SCOC: variants seen among roughly 807,000 people sequenced by gnomAD.
SCOC encodes short coiled-coil protein.
In SCOC, 7 loss-of-function variants were observed where a neutral mutation model predicts 9.9. That is an observed-to-expected ratio of 0.71 (90% CI 0.40 to 1.33). SCOC has a LOEUF of 1.33. SCOC is among the 40% of genes most tolerant of loss of function. The pLI is 0.01. For synonymous variants in SCOC, 19 were observed against 28.2 expected, an observed-to-expected ratio of 0.67 and a Z score of 1.03; for missense variants, 66 against 89.7, an observed-to-expected ratio of 0.74 and a Z score of 1.07.
intron 1 of SCOC, among the ~76,000 whole-genome samples, chr4:140,313,028 T>C (rs1732199498): frequency 6.6e-6 from 1 of 152,180 alleles, no homozygotes; most frequent in African/African-American, 2.4e-5. Flanking sequence ...ACATCATAAA[T>C]GATGGTCATT....
chr4:140,305,799 T>G (rs903471471), intron 1 of SCOC, among the ~76,000 whole-genome samples: 3 of 152,154 alleles, frequency 2.0e-5, no homozygotes, highest in Admixed American at 6.5e-5. Flanking sequence ...TTCCATGATG[T>G]AAAGCCAGAG....
intron 1 of SCOC, among the ~76,000 whole-genome samples, chr4:140,264,261 C>G (rs896816714): frequency 6.6e-6 from 1 of 152,268 alleles, no homozygotes; most frequent in Non-Finnish European, 1.5e-5. Flanking sequence ...TCTCAGCCTC[C>G]TGAGTTGCTG....
intron 1 of SCOC, chr4:140,293,359 CT>C: frequency 2.2e-6 from 1 of 456,864 alleles, no homozygotes; most frequent in Non-Finnish European, 4.4e-6. Context: ...CCTGGTGTGT[CT>C]TGTGTCTTCT....
At chr4:140,328,146 A>G (rs1732704489) in intron 1 of SCOC, among the ~76,000 whole-genome samples, 1 of 152,208 alleles carries the variant, frequency 6.6e-6, no homozygotes, top group Admixed American at 6.6e-5. Context: ...CACACAGGAC[A>G]TGCTCTATCA....
At chr4:140,325,942 T>C (rs535577394) in intron 1 of SCOC, among the ~76,000 whole-genome samples, 4 of 152,244 alleles carry the variant, frequency 2.6e-5, no homozygotes, top group Non-Finnish European at 5.9e-5. Context: ...TGTCCTTCAG[T>C]AGGTAATGGA....
At position 140,379,572 on chromosome 4, in the gene SCOC, T is replaced by C; in HGVS notation, c.26T>C (p.Val9Ala). The C allele has an allele frequency of 6.2e-7, 1 of 1,609,480 alleles. No homozygotes were observed. Among genetic ancestry groups the C allele is most frequent in the Non-Finnish European group, 8.5e-7 (1 of 1,176,764 alleles). The change falls in exon 3 of 4, where the codon GTT becomes GCT. Residue 9 changes from valine (V) to alanine (A), a missense_variant. Transcript: ENST00000608372. ...AATTTGAACCTTTATATTACAGCAG[T>C]TGATGCTGAAAATCAAGTGGAACTG... The part of the protein sequence containing the change: MMNADMDA[V>A]DAENQVELEE...
chr4:140,343,589 C>G (rs1578831106), intron 1 of SCOC: 1 of 1,465,868 alleles, frequency 6.8e-7, no homozygotes, highest in East Asian at 2.3e-5. Context: ...ACAACTGCTG[C>G]TTTTCTCTGC....
At chr4:140,367,146 A>T (rs1727838631) in intron 2 of SCOC, among the ~76,000 whole-genome samples, 1 of 152,010 alleles carries the variant, frequency 6.6e-6, no homozygotes, top group Non-Finnish European at 1.5e-5. Context: ...TGCAGGTTGC[A>T]GTCAGCCAAA....
intron 1 of SCOC, among the ~76,000 whole-genome samples, chr4:140,377,428 A>G (rs893532509): frequency 4.6e-5 from 7 of 152,246 alleles, no homozygotes; most frequent in African/African-American, 1.7e-4. Flanking sequence ...GGGCAGAGCA[A>G]CTTTAAATGC....
At chr4:140,325,899 T>C (rs1346110593) in intron 1 of SCOC, among the ~76,000 whole-genome samples, 2 of 152,240 alleles carry the variant, frequency 1.3e-5, no homozygotes, top group Non-Finnish European at 2.9e-5. Context: ...AACAACTTTA[T>C]TCACAGTCAT....
intron 2 of SCOC, among the ~76,000 whole-genome samples, chr4:140,348,481 T>C (rs1726834205): frequency 6.6e-6 from 1 of 152,128 alleles, no homozygotes; most frequent in Admixed American, 6.6e-5. Flanking sequence ...GATTTCCTTC[T>C]TTTTTAAGGC....
chr4:140,346,433 C>T (rs1001963538), intron 2 of SCOC, among the ~76,000 whole-genome samples: 1 of 152,124 alleles, frequency 6.6e-6, no homozygotes, highest in Non-Finnish European at 1.5e-5. Context: ...TGTGACTGGT[C>T]AGACCTATCG....
rs538108990 is a variant in SCOC, at chr4:140,286,675, C to T, written c.-19+29265C>T. 1.9e-3 allele frequency among the ~76,000 whole-genome samples: 285 copies of T among 152,352 alleles called. 1 individual carries two copies. The highest frequency in any genetic ancestry group is 6.4e-3 in the African/African-American group (265 of 41,588). ...CACGTGCACATGGGTGGCTTGAGCG[C>T]ATAAGCATGACTGCCAATATCACGG... On this transcript the variant is annotated intron_variant, in intron 1 of 4. Transcript: ENST00000394205.
rs183015945 is a variant in SCOC, at chr4:140,380,202, T to C, written c.106+550T>C. 9.1e-3 allele frequency among the ~76,000 whole-genome samples: 1,316 copies of C among 144,946 alleles called. 78 individuals carry two copies. The East Asian group carries it at 0.14, about 16-fold the overall frequency. On this transcript the variant is annotated intron_variant, in intron 3 of 3. Coordinates refer to ENST00000608372, the MANE Select transcript of SCOC (RefSeq NM_001153484.2). ...GCTTTCTTTTTCTTTTTCTTTTTTT[T>C]TTTTTTTTTTTTTGAGATGGAGTTC... is the stretch of plus-strand genomic sequence containing the variant.
chr4:140,339,194 TG>T (rs1399094252), upstream of SCOC, among the ~76,000 whole-genome samples: 1 of 152,034 alleles, frequency 6.6e-6, no homozygotes, highest in African/African-American at 2.4e-5. Flanking sequence ...AAACAAGCAA[TG>T]GGGAAAGGAT....
upstream of SCOC, among the ~76,000 whole-genome samples, chr4:140,340,941 G>A (rs1015869163): frequency 3.3e-5 from 5 of 151,622 alleles, no homozygotes; most frequent in Non-Finnish European, 5.9e-5. Flanking sequence ...ACAGGCGTGT[G>A]CCACTATGCC....
At chr4:140,261,342 C>G (rs1189108989) in intron 1 of SCOC, among the ~76,000 whole-genome samples, 1 of 152,204 alleles carries the variant, frequency 6.6e-6, no homozygotes. Flanking sequence ...ACTCCAACAG[C>G]TCTCCAAGAG....
At chr4:140,300,575 T>C (rs185690032) in intron 1 of SCOC, among the ~76,000 whole-genome samples, 21 of 152,232 alleles carry the variant, frequency 1.4e-4, no homozygotes, top group African/African-American at 5.1e-4. Context: ...TGCTGGGCAT[T>C]TGGGGTGAAG....
At chr4:140,379,243 TG>T (rs1231629805) in intron 2 of SCOC, 51 bp downstream of exon 2, 1 of 1,252,296 alleles carries the variant, frequency 8.0e-7, no homozygotes, top group South Asian at 1.2e-5. Flanking sequence ...TGGATGCTTT[TG>T]CTTTATTAAG....
Sources: allele counts gnomAD v4.1 joint callset (sites outside exome capture counted in the v4.1 genomes callset), GRCh38; gene constraint gnomAD v4.1.1; transcripts MANE v1.5; gene names NCBI Gene and HGNC (gene_info 2026-07-23, HGNC 2026-07-21).